Variants in MARCHF10 observed in about 807,000 individuals in gnomAD.
The protein encoded by MARCHF10 is probable E3 ubiquitin-protein ligase MARCHF10.
MARCHF10 carries 64 observed loss-of-function variants against 76.2 expected under a neutral mutation model. The ratio of observed to expected loss-of-function variants is 0.84; its 90% CI spans 0.69 to 1.03. The LOEUF (loss-of-function observed/expected upper bound fraction) is 1.03, where lower values mean the gene tolerates loss of function less well. MARCHF10 is among the 50% of genes least tolerant of loss of function. The pLI is 0.00. For missense variants in MARCHF10, 875 were observed against 958.0 expected, an observed-to-expected ratio of 0.91 and a Z score of 1.14; for synonymous variants, 340 against 357.5, an observed-to-expected ratio of 0.95 and a Z score of 0.55.
intron 4 of MARCHF10, among the ~76,000 whole-genome samples, chr17:62,748,163 C>T (rs756359596): frequency 1.3e-5 from 2 of 152,042 alleles, no homozygotes; most frequent in Non-Finnish European, 2.9e-5. Context: ...TTTAGGAGGC[C>T]AAGGTGGGTG....
chr17:62,705,551 C>G lies in MARCHF10; in HGVS notation c.2359G>C (p.Glu787Gln). ...CCCCAAAACCTACTTTCATTTTCCT[C>G]TGTTCTGGGTTGTGGGTAATTTCTT... ...LSRNYPQPRT[E>Q]ENENSELGDG... is the part of the protein sequence containing the mutation. Residue 787 changes from glutamate (E) to glutamine (Q), a missense_variant, in exon 10 of 11, where the codon GAG (glutamate) becomes CAG (glutamine). Physicochemically the swap from Glu to Gln is conservative, Grantham distance 29. Coordinates refer to ENST00000311269, the MANE Select transcript of MARCHF10 (RefSeq NM_152598.4). The G allele has an allele frequency of 6.2e-7, 1 of 1,614,200 alleles. No individual in the cohort carries two copies.
chr17:62,791,266 G>T (rs1294938336), intron 2 of MARCHF10, among the ~76,000 whole-genome samples: 1 of 152,256 alleles, frequency 6.6e-6, no homozygotes, highest in African/African-American at 2.4e-5. Flanking sequence ...TTTGGAAAGA[G>T]CACTGGCGTG....
intron 9 of MARCHF10, among the ~76,000 whole-genome samples, chr17:62,707,070 CT>C (rs1450197926): frequency 6.6e-6 from 1 of 152,204 alleles, no homozygotes; most frequent in Non-Finnish European, 1.5e-5. Flanking sequence ...CAGCCCTGTC[CT>C]TCCCATGTCT....
chr17:62,798,246 C>A (rs1267567536), intron 2 of MARCHF10, among the ~76,000 whole-genome samples: 3 of 151,182 alleles, frequency 2.0e-5, no homozygotes, highest in East Asian at 3.9e-4. Context: ...CATTTGAGAG[C>A]CAGGGAGATG....
At chr17:62,704,405 G>T (rs1245594245) in intron 10 of MARCHF10, among the ~76,000 whole-genome samples, 1 of 152,322 alleles carries the variant, frequency 6.6e-6, no homozygotes, top group East Asian at 1.9e-4. Flanking sequence ...TTGCGCCCGG[G>T]CTGGGGCTCC....
chr17:62,749,090 C>A (rs1461976919), intron 4 of MARCHF10, among the ~76,000 whole-genome samples: 2 of 152,128 alleles, frequency 1.3e-5, no homozygotes, highest in Non-Finnish European at 2.9e-5. Context: ...AAAGGTGATG[C>A]CTCCAGTTTT....
intron 5 of MARCHF10, among the ~76,000 whole-genome samples, chr17:62,742,399 T>G (rs1446895056): frequency 6.6e-6 from 1 of 152,226 alleles, no homozygotes; most frequent in Non-Finnish European, 1.5e-5. Context: ...CTCTGTCATA[T>G]TTGCTTCAAC....
chr17:62,701,837 T>G, intron 10 of MARCHF10, 79 bp from the exon 11 acceptor site: 1 of 1,579,464 alleles, frequency 6.3e-7, no homozygotes, highest in Non-Finnish European at 8.7e-7. Flanking sequence ...GCACTGCTGC[T>G]TCATCTTCTC....
intron 10 of MARCHF10, among the ~76,000 whole-genome samples, 158 bp from the exon 11 acceptor site, chr17:62,701,916 C>T (rs949622229): frequency 6.6e-6 from 1 of 152,178 alleles, no homozygotes. Context: ...GAACAGAGAC[C>T]TGCAGTCTGG....
rs148054606 is a variant in MARCHF10, at chr17:62,733,574, A to G, written c.1937+2357T>C. On this transcript the variant is annotated intron_variant, in intron 6 of 10. Transcript: ENST00000311269. ...CACCAGCCCACCAGCCCACCAGCCC[A>G]GCTCTTCCACTCCTAGACAAGATCC... 9.2e-5 allele frequency among the ~76,000 whole-genome samples: 14 copies of G among 152,310 alleles called. No individual in the cohort carries two copies. The East Asian group carries it at 9.6e-4, about 10-fold the overall frequency.
chr17:62,765,007 G>A (rs1018328172), intron 3 of MARCHF10, among the ~76,000 whole-genome samples: 3 of 152,076 alleles, frequency 2.0e-5, no homozygotes, highest in Admixed American at 1.3e-4. Context: ...GGTGGAGCTG[G>A]GTAAGACTAG....
At chr17:62,776,439 T>A (rs566472985) in intron 3 of MARCHF10, among the ~76,000 whole-genome samples, 50 of 152,344 alleles carry the variant, frequency 3.3e-4, no homozygotes, top group African/African-American at 1.2e-3. Context: ...TCTGGAAGCA[T>A]CTGCAATTCA....
At chr17:62,721,553 C>A (rs2090488983) in intron 8 of MARCHF10, among the ~76,000 whole-genome samples, 1 of 152,088 alleles carries the variant, frequency 6.6e-6, no homozygotes, top group African/African-American at 2.4e-5. Context: ...ACTGCAATTA[C>A]TTTTGCACCA....
chr17:62,720,235 T>C (rs2090415567), intron 8 of MARCHF10, among the ~76,000 whole-genome samples: 1 of 152,220 alleles, frequency 6.6e-6, no homozygotes, highest in African/African-American at 2.4e-5. Flanking sequence ...CTTGTAATTT[T>C]TTCTTGGTAG....
rs573743238 is a variant in MARCHF10 at position 62,799,371 on chromosome 17, G to A, written c.90+2275C>T. Among the ~76,000 whole-genome samples the A allele has an allele frequency of 5.9e-5, 9 of 152,098 alleles. No homozygotes were observed. In the South Asian group the frequency reaches 6.2e-4, roughly 11 times the overall value. Reference sequence around the variant, plus strand: ...CCCCTTCTAGTCCTTTCCATATACCGCAGCCAGAGTGACCCTTAATACAAC... The same window carrying A: ...CCCCTTCTAGTCCTTTCCATATACCACAGCCAGAGTGACCCTTAATACAAC... On this transcript the variant is annotated intron_variant, in intron 2 of 10. Coordinates refer to ENST00000311269, the MANE Select transcript of MARCHF10 (RefSeq NM_152598.4).
At chr17:62,723,607 C>T (rs1358929316) in intron 7 of MARCHF10, among the ~76,000 whole-genome samples, 1 of 117,604 alleles carries the variant, frequency 8.5e-6, no homozygotes, top group Non-Finnish European at 1.7e-5. Context: ...TTTAGGCTAC[C>T]AAATGTCCCA....
At chr17:62,791,211 T>C (rs2092836295) in intron 2 of MARCHF10, among the ~76,000 whole-genome samples, 1 of 152,194 alleles carries the variant, frequency 6.6e-6, no homozygotes, top group South Asian at 2.1e-4. Context: ...ACGTGTGCCT[T>C]TGTTGTTCCA....
intron 8 of MARCHF10, among the ~76,000 whole-genome samples, chr17:62,720,281 A>C (rs2090418153): frequency 6.6e-6 from 1 of 152,198 alleles, no homozygotes; most frequent in Non-Finnish European, 1.5e-5. Context: ...GAACTGCTAT[A>C]AATGGGTTGT....
At chr17:62,756,820 C>A (rs2147933664) in intron 4 of MARCHF10, among the ~76,000 whole-genome samples, 1 of 152,268 alleles carries the variant, frequency 6.6e-6, no homozygotes, top group East Asian at 1.9e-4. Flanking sequence ...AAAACACTTG[C>A]CCATAAACCG....
Sources: gnomAD v4.1 joint callset for allele counts (sites outside exome capture counted in the v4.1 genomes callset) on GRCh38, gnomAD v4.1.1 for gene constraint, MANE v1.5 for transcripts, NCBI Gene and HGNC (gene_info 2026-07-23, HGNC 2026-07-21) for gene names.